The following LRP1B variants were observed in gnomAD, a reference collection of about 807,000 sequenced individuals.
LRP1B encodes the protein LDL receptor related protein 1B.
A neutral mutation model predicts 556.6 loss-of-function variants in LRP1B; 217 were observed. That is an observed-to-expected ratio of 0.39 (90% confidence interval 0.35 to 0.44). The LOEUF (loss-of-function observed/expected upper bound fraction) is 0.44. LRP1B is among the 20% of genes least tolerant of loss of function. LRP1B has a pLI of 1.00. For synonymous variants in LRP1B, 2,047 were observed against 1,865.8 expected (o/e 1.10, Z -2.50); for missense variants, 5,053 against 5,620.8 (o/e 0.90, Z 3.23).
At chr2:140,348,507 C>T (rs1485130320) in intron 77 of LRP1B, among the ~76,000 whole-genome samples, 1 of 151,956 alleles carries the variant, frequency 6.6e-6, no homozygotes, top group Non-Finnish European at 1.5e-5. Context: ...CATTTTTCTT[C>T]TTTGTGAGTG....
intron 87 of LRP1B, among the ~76,000 whole-genome samples, chr2:140,246,045 G>T (rs944367903): frequency 5.9e-5 from 9 of 151,408 alleles, no homozygotes; most frequent in South Asian, 2.1e-4. Flanking sequence ...CTCTAAATTA[G>T]GAAAAATTGG....
intron 7 of LRP1B, among the ~76,000 whole-genome samples, chr2:141,180,347 T>TAAAAA (rs3063854): frequency 1.4e-5 from 2 of 147,094 alleles, no homozygotes; most frequent in Non-Finnish European, 3.0e-5. Flanking sequence ...TAGAACTCCA[T>TAAAAA]AAAAAAAAAA....
At position 140,479,380 on chromosome 2, in the gene LRP1B, T is replaced by G. The variant is rs1220670842; in HGVS notation, c.9426-4043A>C. 1.1e-4 allele frequency among the ~76,000 whole-genome samples: 16 copies of G among 152,290 alleles called. No homozygotes were observed. The East Asian group carries it at 2.1e-3, about 20-fold the overall frequency. On this transcript the variant is annotated intron_variant, in intron 59 of 90. Transcript: ENST00000389484. ...AAAATGTTGAAAGAAGAGATCTAAATTGCACCCAGATAATATGCAATGTTT... is the reference window on the plus strand; with the variant it reads ...AAAATGTTGAAAGAAGAGATCTAAAGTGCACCCAGATAATATGCAATGTTT...
intron 7 of LRP1B, among the ~76,000 whole-genome samples, chr2:141,185,687 C>CAAAA (rs111914547): frequency 7.6e-6 from 1 of 132,176 alleles, no homozygotes; most frequent in Non-Finnish European, 1.5e-5. Flanking sequence ...AACAAACAAA[C>CAAAA]AAAAAAAAAC....
chr2:140,780,526 C>A (rs977899278), intron 32 of LRP1B, among the ~76,000 whole-genome samples: 3 of 152,090 alleles, frequency 2.0e-5, no homozygotes, highest in Non-Finnish European at 4.4e-5. Context: ...ATTTGGACCA[C>A]CCCTAACTGA....
intron 7 of LRP1B, among the ~76,000 whole-genome samples, chr2:141,145,437 A>C (rs2105067422): frequency 6.6e-6 from 1 of 152,290 alleles, no homozygotes; most frequent in Non-Finnish European, 1.5e-5. Flanking sequence ...ACTACTTTTA[A>C]AGACACATAA....
intron 86 of LRP1B, among the ~76,000 whole-genome samples, chr2:140,267,157 GTATT>G (rs1197410662): frequency 2.0e-5 from 3 of 152,010 alleles, no homozygotes; most frequent in East Asian, 1.9e-4. Context: ...GTGGTACAGA[GTATT>G]TATTAGGTCA....
chr2:140,971,046 T>C (rs1429277936), intron 18 of LRP1B, among the ~76,000 whole-genome samples: 2 of 152,132 alleles, frequency 1.3e-5, no homozygotes, highest in Middle Eastern at 6.3e-3. Context: ...GCTCAGCCTC[T>C]AAAATGATTG....
intron 3 of LRP1B, among the ~76,000 whole-genome samples, chr2:141,294,327 CTT>C (rs1197752740): frequency 2.6e-5 from 4 of 151,982 alleles, no homozygotes; most frequent in African/African-American, 9.7e-5. Flanking sequence ...CATATTATGA[CTT>C]AAGAAAAGTC....
At chr2:141,262,513 C>T (rs1034192260) in intron 3 of LRP1B, among the ~76,000 whole-genome samples, 5 of 152,112 alleles carry the variant, frequency 3.3e-5, no homozygotes, top group Non-Finnish European at 7.4e-5. Context: ...AAATCCATTA[C>T]TGACTCAATT....
At chr2:140,530,237 A>C (rs559599832) in intron 47 of LRP1B, among the ~76,000 whole-genome samples, 2 of 152,032 alleles carry the variant, frequency 1.3e-5, no homozygotes, top group Non-Finnish European at 2.9e-5. Context: ...TTGATTAAAA[A>C]GTGATAGGTG....
chr2:140,529,701 C>A (rs184453692), intron 47 of LRP1B, among the ~76,000 whole-genome samples: 2 of 152,118 alleles, frequency 1.3e-5, no homozygotes, highest in East Asian at 1.9e-4. Context: ...CCCAGTCTAC[C>A]TAAAAGTACT....
chr2:141,533,911 T>A (rs958140144), intron 2 of LRP1B, among the ~76,000 whole-genome samples: 7 of 152,156 alleles, frequency 4.6e-5, no homozygotes, highest in Admixed American at 3.3e-4. Flanking sequence ...GCTTCAAATG[T>A]ATGTAAATAT....
intron 2 of LRP1B, among the ~76,000 whole-genome samples, chr2:141,690,777 A>G (rs1216755861): frequency 1.3e-5 from 2 of 151,666 alleles, no homozygotes; most frequent in Admixed American, 6.6e-5. Flanking sequence ...TTAAGAATAA[A>G]TACACCCTTC....
chr2:140,503,135 C>A (rs1239972538), intron 53 of LRP1B, 32 bp from the exon 54 acceptor site: 1 of 1,604,512 alleles, frequency 6.2e-7, no homozygotes, highest in Non-Finnish European at 8.5e-7. Flanking sequence ...TTGACTAATT[C>A]ACATAACAAA....
At chr2:140,756,666 T>A (rs900985669) in intron 35 of LRP1B, among the ~76,000 whole-genome samples, 2 of 152,048 alleles carry the variant, frequency 1.3e-5, no homozygotes, top group African/African-American at 2.4e-5. Context: ...ATAGCAAAAT[T>A]AACTAAAAGT....
At chr2:141,908,003 G>A (rs768152967) in intron 1 of LRP1B, among the ~76,000 whole-genome samples, 1 of 151,998 alleles carries the variant, frequency 6.6e-6, no homozygotes, top group African/African-American at 2.4e-5. Flanking sequence ...TGAGGAAGGA[G>A]TAAGAGAAAA....
intron 2 of LRP1B, among the ~76,000 whole-genome samples, chr2:141,590,787 C>G (rs76896911): frequency 6.6e-6 from 1 of 152,030 alleles, no homozygotes; most frequent in African/African-American, 2.4e-5. Flanking sequence ...GGGCTGCTGA[C>G]GTAAAATCAT....
At chr2:140,562,256 G>A (rs575317088) in intron 43 of LRP1B, among the ~76,000 whole-genome samples, 1 of 152,184 alleles carries the variant, frequency 6.6e-6, no homozygotes, top group East Asian at 1.9e-4. Flanking sequence ...TATTTTGACT[G>A]AATATTTGAT....
Sources: allele counts gnomAD v4.1 joint callset (sites outside exome capture counted in the v4.1 genomes callset), GRCh38; gene constraint gnomAD v4.1.1; transcripts MANE v1.5; gene names NCBI Gene and HGNC (gene_info 2026-07-23, HGNC 2026-07-21).